ANK2: variants seen among roughly 807,000 people sequenced by gnomAD.
The protein encoded by ANK2 is ankyrin 2.
Under a neutral mutation model 360.5 loss-of-function variants are expected in ANK2, and 83 were observed. The observed-to-expected ratio is 0.23, with a 90% CI of 0.19 to 0.28. The LOEUF (loss-of-function observed/expected upper bound fraction) is 0.28, where lower values mean the gene tolerates loss of function less well. Ranked by LOEUF, ANK2 falls within the 10% of genes least tolerant of loss-of-function variation. The pLI is 1.00. For synonymous variants in ANK2, 1,740 were observed against 1,759.5 expected, an observed-to-expected ratio of 0.99 and a Z score of 0.28; for missense variants, 4,201 against 4,795.7, an observed-to-expected ratio of 0.88 and a Z score of 3.66.
intron 4 of ANK2, among the ~76,000 whole-genome samples, chr4:113,204,432 G>A (rs1355260191): frequency 6.6e-6 from 1 of 152,200 alleles, no homozygotes; most frequent in East Asian, 1.9e-4. Context: ...TCCTCAAGAA[G>A]TTTGTGTCTG....
chr4:113,221,721 T>C (rs1309014396), intron 4 of ANK2, among the ~76,000 whole-genome samples: 1 of 151,458 alleles, frequency 6.6e-6, no homozygotes, highest in African/African-American at 2.4e-5. Flanking sequence ...TGTAGATAAG[T>C]AGTTTGTTGA....
chr4:113,277,721 G>A, intron 15 of ANK2, 116 bp from the exon 16 acceptor site: 1 of 763,704 alleles, frequency 1.3e-6, no homozygotes. Flanking sequence ...AATGCTACCA[G>A]TATTTTTTCC....
At chr4:112,914,384 G>A (rs1032497338) in intron 2 of ANK2, among the ~76,000 whole-genome samples, 4 of 152,290 alleles carry the variant, frequency 2.6e-5, no homozygotes, top group African/African-American at 9.6e-5. Context: ...ACTTTGGGAG[G>A]CTGAGGTGGG....
rs915307898 is a variant in ANK2, at chr4:113,249,873, A to G, written c.990+11A>G. 2 of 1,608,968 alleles carry G rather than the reference A, an allele frequency of 1.2e-6. No individual in the cohort carries two copies. Among genetic ancestry groups the G allele is most frequent in the Non-Finnish European group, 1.7e-6 (2 of 1,175,686 alleles). On this transcript the variant is annotated intron_variant, in intron 10 of 45. Transcript: ENST00000357077. ...CTGGCAAGGACTAAGGTGAGTCATT[A>G]TGAGTAAGATGGGGTCCTAAGAAAT...
chr4:112,911,803 TAA>T (rs1223535538), intron 2 of ANK2, among the ~76,000 whole-genome samples: 1 of 152,240 alleles, frequency 6.6e-6, no homozygotes, highest in Non-Finnish European at 1.5e-5. Context: ...AAAAATAGTT[TAA>T]GTTTTTAAAG....
chr4:112,793,433 T>C, the ANK2 span, among the ~76,000 whole-genome samples: 1 of 152,138 alleles, frequency 6.6e-6, no homozygotes, highest in African/African-American at 2.4e-5. Context: ...GCATATTAGT[T>C]ATCAAATAAT....
intron 2 of ANK2, among the ~76,000 whole-genome samples, chr4:113,020,221 T>C (rs2154297039): frequency 6.6e-6 from 1 of 152,328 alleles, no homozygotes; most frequent in African/African-American, 2.4e-5. Flanking sequence ...TCTTTCTCTG[T>C]TGCCCAAGGC....
At chr4:112,938,737 T>C (rs984289479) in intron 2 of ANK2, among the ~76,000 whole-genome samples, 10 of 152,196 alleles carry the variant, frequency 6.6e-5, no homozygotes, top group African/African-American at 2.4e-4. Flanking sequence ...TGAAGAATGC[T>C]GAAATAAATA....
intron 4 of ANK2, among the ~76,000 whole-genome samples, chr4:113,213,486 T>A (rs1260615516): frequency 6.6e-6 from 1 of 152,196 alleles, no homozygotes; most frequent in Non-Finnish European, 1.5e-5. Flanking sequence ...CAAATATAAG[T>A]CTTGAGAAGG....
intron 26 of ANK2, among the ~76,000 whole-genome samples, chr4:113,323,192 A>T (rs2087412296): frequency 6.6e-6 from 1 of 152,128 alleles, no homozygotes; most frequent in Non-Finnish European, 1.5e-5. Context: ...GAAATGAAGT[A>T]TTGACAAAAG....
intron 2 of ANK2, among the ~76,000 whole-genome samples, chr4:112,928,317 G>C (rs1419805438): frequency 6.6e-6 from 1 of 150,688 alleles, no homozygotes; most frequent in Non-Finnish European, 1.5e-5. Context: ...AAAATAGTAT[G>C]GTACTATAAA....
chr4:113,122,303 T>A lies in ANK2; in HGVS notation c.85-52113T>A, dbSNP rs924766375. Among the ~76,000 whole-genome samples, 3 of 152,026 alleles carry A rather than the reference T, an allele frequency of 2.0e-5. No homozygotes were observed. The East Asian group carries it at 5.8e-4, about 29-fold the overall frequency. On this transcript the variant is annotated intron_variant, in intron 1 of 45. Coordinates refer to ENST00000357077, the MANE Select transcript of ANK2 (RefSeq NM_001148.6). Reference sequence around the variant, plus strand: ...CTGCTTGGGCACTCAGCAGCCTGTTTCTGAAGGGAAGTCCAACTACGGAAG... The same window carrying A: ...CTGCTTGGGCACTCAGCAGCCTGTTACTGAAGGGAAGTCCAACTACGGAAG...
At position 113,059,651 on chromosome 4, in the gene ANK2, C is replaced by T. The variant is rs35564002; in HGVS notation, c.84+9839C>T. On this transcript the variant is annotated intron_variant, in intron 1 of 45. Transcript: ENST00000357077. ...AAATTGGCAACACTTTCCACACAGT[C>T]TATGATTCATAGTAGGGACTATGAA... Among the ~76,000 whole-genome samples, 1,513 of 152,094 alleles carry T rather than the reference C, an allele frequency of 9.9e-3. 7 individuals carry two copies. Among genetic ancestry groups the T allele is most frequent in the Non-Finnish European group, 0.015 (992 of 67,972 alleles).
At chr4:113,308,050 G>C (rs924422318) in intron 23 of ANK2, among the ~76,000 whole-genome samples, 3 of 152,036 alleles carry the variant, frequency 2.0e-5, no homozygotes, top group Admixed American at 1.3e-4. Context: ...AAAAACTAAA[G>C]GTTGCTTTTA....
chr4:112,903,957 G>A (rs189747001), intron 1 of ANK2, among the ~76,000 whole-genome samples: 132 of 152,258 alleles, frequency 8.7e-4, no homozygotes, highest in Middle Eastern at 3.4e-3. Flanking sequence ...CTGACATATT[G>A]TAGATGTTTA....
At chr4:113,124,923 A>C (rs751127791) in intron 1 of ANK2, among the ~76,000 whole-genome samples, 6 of 152,236 alleles carry the variant, frequency 3.9e-5, no homozygotes, top group Non-Finnish European at 8.8e-5. Context: ...TGAAGCCAGG[A>C]GTTGAAGACC....
At position 113,374,771 on chromosome 4, in the gene ANK2, T is replaced by C. The variant is rs1016126078; in HGVS notation, c.11859+1322T>C. On this transcript the variant is annotated intron_variant, in intron 45 of 45. Coordinates refer to ENST00000357077, the MANE Select transcript of ANK2 (RefSeq NM_001148.6). ...GTGTCCTTCGATCATTAGGTCACTT[T>C]GTGTGAGCCCAGCATTTTGTCCAGT... is the stretch of plus-strand genomic sequence containing the variant. 5.4e-6 allele frequency: 6 copies of C among 1,114,130 alleles called. No individual in the cohort carries two copies. The African/African-American group carries it at 8.1e-5, about 15-fold the overall frequency. The allele number at this position is 1,114,130 out of a possible 1,614,324, so 69.0% of individuals were successfully genotyped here.
In ANK2 at chr4:113,309,319, A is replaced by G. The variant is rs377703817; in HGVS notation, c.2549-1936A>G. On this transcript the variant is annotated intron_variant, in intron 23 of 45. Transcript: ENST00000357077. ...TCTCTGAGACATAATCAAGACATTG[A>G]CTATATACCTAGGGCCACCCCAGGT... 2.0e-4 allele frequency among the ~76,000 whole-genome samples: 30 copies of G among 152,308 alleles called. No homozygotes were observed. The East Asian group carries it at 3.3e-3, about 17-fold the overall frequency.
chr4:112,865,103 A>C (rs2069967211), intron 1 of ANK2, among the ~76,000 whole-genome samples: 1 of 149,394 alleles, frequency 6.7e-6, no homozygotes, highest in African/African-American at 2.5e-5. Context: ...TGGTCTTAGA[A>C]ATAGCATTAG....
Sources: gnomAD v4.1 joint callset for allele counts (sites outside exome capture counted in the v4.1 genomes callset) on GRCh38, gnomAD v4.1.1 for gene constraint, MANE v1.5 for transcripts, NCBI Gene and HGNC (gene_info 2026-07-23, HGNC 2026-07-21) for gene names.